Variants in VPS35L observed in about 807,000 individuals in gnomAD.
The protein encoded by VPS35L is VPS35 endosomal protein-sorting factor-like.
In VPS35L, 83 loss-of-function variants were observed where a neutral mutation model predicts 133.0. The observed-to-expected ratio is 0.62, with a 90% CI of 0.52 to 0.75. The LOEUF is 0.75. VPS35L is among the 30% of genes least tolerant of loss of function. The pLI, the probability that VPS35L is intolerant of heterozygous loss-of-function variation, is 0.00. For missense variants in VPS35L, 1,083 were observed against 1,206.8 expected (o/e 0.90, Z 1.52); for synonymous variants, 423 against 449.9 (o/e 0.94, Z 0.76).
intron 21 of VPS35L, among the ~76,000 whole-genome samples, chr16:19,640,307 C>G (rs138361201): frequency 2.0e-5 from 3 of 151,692 alleles, no homozygotes; most frequent in African/African-American, 4.8e-5. Context: ...CAAGTGTTAT[C>G]ATGAGCCTGG....
At chr16:19,617,058 C>T (rs575803510) in intron 14 of VPS35L, 40 of 628,402 alleles carry the variant, frequency 6.4e-5, no homozygotes, top group African/African-American at 5.7e-4. Context: ...TGAGGCCACA[C>T]AGCTAGAAAG....
chr16:19,681,309 C>T (rs1035934290), intron 27 of VPS35L, among the ~76,000 whole-genome samples: 2 of 152,210 alleles, frequency 1.3e-5, no homozygotes, highest in East Asian at 1.9e-4. Context: ...CATGTTTTGG[C>T]GATGGCTTTG....
At chr16:19,590,339 A>G (rs932218012) in intron 7 of VPS35L, among the ~76,000 whole-genome samples, 3 of 152,168 alleles carry the variant, frequency 2.0e-5, no homozygotes, top group Non-Finnish European at 4.4e-5. Flanking sequence ...CATTCTCTGC[A>G]TATTGGAATT....
At chr16:19,555,859 G>GTCGA in intron 1 of VPS35L, 113 bp downstream of exon 1, 2 of 1,410,252 alleles carry the variant, frequency 1.4e-6, no homozygotes, top group Non-Finnish European at 1.9e-6. Flanking sequence ...TGGTCGACCG[G>GTCGA]CCACCCCCAA....
intron 29 of VPS35L, among the ~76,000 whole-genome samples, chr16:19,697,192 C>T (rs1281711411): frequency 6.6e-6 from 1 of 152,210 alleles, no homozygotes; most frequent in Non-Finnish European, 1.5e-5. Context: ...TGATTGGGCT[C>T]TTTGCCGTCG....
chr16:19,562,193 G>A (rs1228146991), intron 1 of VPS35L, among the ~76,000 whole-genome samples: 1 of 152,148 alleles, frequency 6.6e-6, no homozygotes, highest in Non-Finnish European at 1.5e-5. Context: ...TTTTGCAATA[G>A]GGGACAGAGA....
At chr16:19,628,155 A>T (rs1270078567) in intron 16 of VPS35L, among the ~76,000 whole-genome samples, 1 of 152,144 alleles carries the variant, frequency 6.6e-6, no homozygotes, top group African/African-American at 2.4e-5. Flanking sequence ...ACTTGAGGCC[A>T]GGAGTTCGAG....
At chr16:19,625,680 A>G (rs1361157583) in intron 14 of VPS35L, among the ~76,000 whole-genome samples, 2 of 151,988 alleles carry the variant, frequency 1.3e-5, no homozygotes, top group Non-Finnish European at 2.9e-5. Flanking sequence ...TTGATTGATC[A>G]GTTGATTGAT....
At chr16:19,562,848 G>A (rs1971069657) in intron 1 of VPS35L, among the ~76,000 whole-genome samples, 1 of 151,898 alleles carries the variant, frequency 6.6e-6, no homozygotes, top group African/African-American at 2.4e-5. Flanking sequence ...TTGAGCCCCT[G>A]GATTCAAGCG....
At chr16:19,594,318 C>T (rs1276959264) in intron 8 of VPS35L, among the ~76,000 whole-genome samples, 1 of 152,102 alleles carries the variant, frequency 6.6e-6, no homozygotes, top group African/African-American at 2.4e-5. Context: ...CTGCAGGCCA[C>T]TAGGGAGGTG....
At chr16:19,661,677 C>T (rs1033433656) in intron 26 of VPS35L, among the ~76,000 whole-genome samples, 3 of 152,200 alleles carry the variant, frequency 2.0e-5, no homozygotes, top group Non-Finnish European at 4.4e-5. Flanking sequence ...GAGGACCCTT[C>T]CCGCCATCCT....
At chr16:19,689,040 CTTTTTTTT>C (rs766276644) in intron 28 of VPS35L, among the ~76,000 whole-genome samples, 1 of 134,694 alleles carries the variant, frequency 7.4e-6, no homozygotes, top group Non-Finnish European at 1.6e-5. Flanking sequence ...GGTGTCTCTT[CTTTTTTTT>C]TTTTTTTTTG....
At position 19,700,443 on chromosome 16, in the gene VPS35L, G is replaced by C. The variant is rs1326415245; in HGVS notation, c.2859G>C (p.Leu953=). 6.2e-7 allele frequency: 1 copy of C among 1,614,046 alleles called. No homozygotes were observed. The highest frequency in any genetic ancestry group is 8.5e-7 in the Non-Finnish European group (1 of 1,180,026). Residue 953 remains leucine, a synonymous_variant, in exon 31 of 31, where the codon CTG becomes CTC. Coordinates refer to ENST00000417362, the MANE Select transcript of VPS35L (RefSeq NM_020314.7). ...CAGACATGACTCATCTGACGGAGCT[G>C]GCCCTCAGACTCCCTCTGCAAACAA... ...KQPDMTHLTE[L]ALRLPLQTRT
chr16:19,650,500 G>A (rs988303019), intron 25 of VPS35L, 41 bp downstream of exon 25: 6 of 1,491,146 alleles, frequency 4.0e-6, no homozygotes, highest in Non-Finnish European at 5.6e-6. Context: ...TCGAACTCCA[G>A]TGGGCTGTTT....
intron 29 of VPS35L, among the ~76,000 whole-genome samples, chr16:19,697,138 GTA>G (rs1340172063): frequency 6.6e-6 from 1 of 152,208 alleles, no homozygotes; most frequent in Admixed American, 6.5e-5. Flanking sequence ...CTTTTCTCTT[GTA>G]GCCCGCGGGC....
chr16:19,589,014 G>T, intron 7 of VPS35L, among the ~76,000 whole-genome samples: 1 of 152,006 alleles, frequency 6.6e-6, no homozygotes, highest in East Asian at 1.9e-4. Context: ...GCAGTTCCTC[G>T]ATTACTAATA....
At chr16:19,568,300 C>T (rs1027451050) in intron 2 of VPS35L, among the ~76,000 whole-genome samples, 12 of 151,612 alleles carry the variant, frequency 7.9e-5, no homozygotes, top group South Asian at 2.1e-4. Context: ...TTCAAACCGC[C>T]CCCCCCTTTT....
intron 14 of VPS35L, among the ~76,000 whole-genome samples, chr16:19,621,265 C>T (rs1450859722): frequency 6.6e-6 from 1 of 152,168 alleles, no homozygotes; most frequent in Non-Finnish European, 1.5e-5. Context: ...TAGATAAGAA[C>T]ATCAAAGTCC....
chr16:19,613,362 C>CA (rs60039599), intron 12 of VPS35L, among the ~76,000 whole-genome samples: 23,245 of 152,060 alleles, frequency 0.15, 5,811 homozygotes, highest in African/African-American at 0.52. Context: ...TTCCAAGTGG[C>CA]AAAACCCAGT....
Sources: gnomAD v4.1 joint callset for allele counts (sites outside exome capture counted in the v4.1 genomes callset) on GRCh38, gnomAD v4.1.1 for gene constraint, MANE v1.5 for transcripts, NCBI Gene and HGNC (gene_info 2026-07-23, HGNC 2026-07-21) for gene names.